The following PEPD variants were observed in gnomAD, a reference collection of about 807,000 sequenced individuals.
The protein encoded by PEPD is peptidase D.
PEPD carries 53 observed loss-of-function variants against 60.7 expected under a neutral mutation model. The ratio of observed to expected loss-of-function variants is 0.87; its 90% CI spans 0.70 to 1.10. PEPD has a LOEUF of 1.10. PEPD is among the 50% of genes least tolerant of loss of function. PEPD has a pLI of 0.00. For missense variants in PEPD, 711 were observed against 711.9 expected, an observed-to-expected ratio of 1.00 and a Z score of 0.01; for synonymous variants, 267 against 284.1, an observed-to-expected ratio of 0.94 and a Z score of 0.60.
In PEPD at chr19:33,422,967, T is replaced by C. The variant is rs369459652; in HGVS notation, c.672-9324A>G. Among the ~76,000 whole-genome samples the C allele has an allele frequency of 3.9e-5, 6 of 152,246 alleles. No homozygotes were observed. In the East Asian group the frequency reaches 1.2e-3, roughly 29 times the overall value. ...CACTCTATCTACTCATCCAATACTC[T>C]GTCAATTATCTGTTTCTATGTCTAC... is the stretch of plus-strand genomic sequence containing the variant. On this transcript the variant is annotated intron_variant, in intron 9 of 14. Coordinates refer to ENST00000244137, the MANE Select transcript of PEPD (RefSeq NM_000285.4).
At chr19:33,402,530 C>G (rs993808904) in intron 11 of PEPD, among the ~76,000 whole-genome samples, 1 of 152,224 alleles carries the variant, frequency 6.6e-6, no homozygotes, top group African/African-American at 2.4e-5. Flanking sequence ...GTGCCCGACA[C>G]TACCCCTCTG....
At chr19:33,414,784 G>A (rs1968853922) in intron 9 of PEPD, among the ~76,000 whole-genome samples, 1 of 152,244 alleles carries the variant, frequency 6.6e-6, no homozygotes, top group African/African-American at 2.4e-5. Flanking sequence ...AACGGCTGTG[G>A]TAGATTCAAT....
At chr19:33,428,810 T>C (rs979217871) in intron 9 of PEPD, among the ~76,000 whole-genome samples, 1 of 152,232 alleles carries the variant, frequency 6.6e-6, no homozygotes, top group Non-Finnish European at 1.5e-5. Context: ...CAGTAGGTCC[T>C]CAGTAAACAT....
Position 33,455,988 on chromosome 19 carries a change from G to A in PEPD, c.671+7007C>T, listed in dbSNP as rs187997591. Among the ~76,000 whole-genome samples, 5 of 152,210 alleles carry A rather than the reference G, an allele frequency of 3.3e-5. No homozygotes were observed. The East Asian group carries it at 7.7e-4, about 24-fold the overall frequency. On this transcript the variant is annotated intron_variant, in intron 9 of 14. Coordinates refer to ENST00000244137, the MANE Select transcript of PEPD (RefSeq NM_000285.4). ...GCCCCAAAATCTCTAGTCCTTCATC[G>A]ACCAGGTTACACATTTGCAGAAAGC...
In PEPD at chr19:33,388,030, G is replaced by A. The variant is rs756015867; in HGVS notation, c.1204C>T (p.His402Tyr). The A allele has an allele frequency of 4.5e-6, 7 of 1,563,764 alleles. No homozygotes were observed. In the African/African-American group the frequency reaches 8.1e-5, roughly 18 times the overall value. The change falls in exon 14 of 15, where the codon CAC becomes TAC. Residue 402 changes from histidine (H) to tyrosine (Y), a missense_variant. Transcript: ENST00000244137. The stretch of plus-strand genomic sequence containing the variant: ...GTGAGCACCATGCCTGGCTGCAGGT[G>A]CCGTGCAGTGCGCAGGCTCCGCAGG... ...PGLRSLRTAR[H>Y]LQPGMVLTVE...
intron 11 of PEPD, among the ~76,000 whole-genome samples, chr19:33,404,112 C>T (rs1418502709): frequency 6.6e-6 from 1 of 152,254 alleles, no homozygotes; most frequent in African/African-American, 2.4e-5. Context: ...GGCGGCAGTG[C>T]TCAACCTTCA....
intron 7 of PEPD, among the ~76,000 whole-genome samples, chr19:33,467,751 C>A (rs150794414): frequency 6.1e-4 from 93 of 152,286 alleles, no homozygotes; most frequent in African/African-American, 2.1e-3. Context: ...TCATGATAAC[C>A]TAGCTTTCCC....
Position 33,512,793 on chromosome 19 carries a change from A to G in PEPD, c.18-17T>C. 1 of 1,613,352 alleles carries G rather than the reference A, an allele frequency of 6.2e-7. No individual in the cohort carries two copies. The highest frequency in any genetic ancestry group is 8.5e-7 in the Non-Finnish European group (1 of 1,179,626). ...AACGAGGGTCTGCAGAGGCAAGAGC[A>G]CACACCGCCACACAGGCCTCTGTTA... On this transcript the variant is annotated splice_polypyrimidine_tract_variant and intron_variant, in intron 1 of 14. Transcript: ENST00000244137.
intron 9 of PEPD, 83 bp from the exon 10 acceptor site, chr19:33,413,726 G>C: frequency 1.2e-6 from 1 of 826,448 alleles, no homozygotes; most frequent in Non-Finnish European, 2.0e-6. Flanking sequence ...CCAAGGGAAG[G>C]CCCTCGGCCC....
chr19:33,441,713 T>C (rs923865741), intron 9 of PEPD, among the ~76,000 whole-genome samples: 2 of 152,154 alleles, frequency 1.3e-5, no homozygotes, highest in Admixed American at 1.3e-4. Context: ...GACCCAGAGG[T>C]GGCTGGGGGA....
At chr19:33,449,877 A>G (rs1008179320) in intron 9 of PEPD, among the ~76,000 whole-genome samples, 2 of 152,156 alleles carry the variant, frequency 1.3e-5, no homozygotes, top group South Asian at 2.1e-4. Flanking sequence ...ATCAATAATT[A>G]TATCACAGGT....
chr19:33,521,390 G>T (rs1190154975), intron 1 of PEPD, among the ~76,000 whole-genome samples: 1 of 152,230 alleles, frequency 6.6e-6, no homozygotes, highest in Non-Finnish European at 1.5e-5. Flanking sequence ...CCTCCTCCGG[G>T]AAGCGCCCGG....
At chr19:33,517,615 G>C (rs1383019287) in intron 1 of PEPD, among the ~76,000 whole-genome samples, 1 of 151,786 alleles carries the variant, frequency 6.6e-6, no homozygotes, top group East Asian at 1.9e-4. Flanking sequence ...TGGTACGTAG[G>C]TTTCACTGAT....
chr19:33,499,189 T>C (rs576124596), intron 4 of PEPD, among the ~76,000 whole-genome samples: 12 of 152,192 alleles, frequency 7.9e-5, no homozygotes, highest in Non-Finnish European at 1.8e-4. Context: ...AGGTCACATG[T>C]GTATTGACAG....
At chr19:33,493,216 G>A in intron 5 of PEPD, 74 bp downstream of exon 5, 5 of 1,049,418 alleles carry the variant, frequency 4.8e-6, no homozygotes, top group Non-Finnish European at 5.9e-6. Flanking sequence ...CCCGACCTCT[G>A]CAGGAGAGGT....
rs75766592 is a variant in PEPD at position 33,478,099 on chromosome 19, C to A, written c.504-9G>T. ...TATTGTTGACTTCGAACCTGTAGGG[C>A]GAAAAGAAATCAAGCCCATTAATCC... is the stretch of plus-strand genomic sequence containing the variant. On this transcript the variant is annotated splice_polypyrimidine_tract_variant and intron_variant, in intron 6 of 14. Coordinates refer to ENST00000244137, the MANE Select transcript of PEPD (RefSeq NM_000285.4). The A allele has an allele frequency of 6.2e-7, 1 of 1,603,346 alleles. No homozygotes were observed. Among genetic ancestry groups the A allele is most frequent in the East Asian group, 2.2e-5 (1 of 44,756 alleles).
Position 33,490,689 on chromosome 19 carries a change from T to C in PEPD, c.442-632A>G, listed in dbSNP as rs192981216. Among the ~76,000 whole-genome samples the C allele has an allele frequency of 8.4e-3, 1,276 of 152,160 alleles. 8 individuals are homozygous for C. The highest frequency in any genetic ancestry group is 0.013 in the Non-Finnish European group (863 of 67,992). ...TTTTACTTATTTTTTTTTGAGACAG[T>C]GTCTTGCTCTGTCACCCAGGCTGGA... On this transcript the variant is annotated intron_variant, in intron 5 of 14. Coordinates refer to ENST00000244137, the MANE Select transcript of PEPD (RefSeq NM_000285.4).
At chr19:33,465,807 A>G (rs1970009379) in intron 7 of PEPD, among the ~76,000 whole-genome samples, 1 of 152,036 alleles carries the variant, frequency 6.6e-6, no homozygotes. Context: ...TTTTTGTTGC[A>G]CTCCATGCAA....
At chr19:33,478,501 C>T (rs989031971) in intron 6 of PEPD, among the ~76,000 whole-genome samples, 1 of 152,080 alleles carries the variant, frequency 6.6e-6, no homozygotes, top group Admixed American at 6.6e-5. Context: ...AGGATAAATT[C>T]AAAGATATCC....
Sources: allele counts gnomAD v4.1 joint callset (sites outside exome capture counted in the v4.1 genomes callset), GRCh38; gene constraint gnomAD v4.1.1; transcripts MANE v1.5; gene names NCBI Gene and HGNC (gene_info 2026-07-23, HGNC 2026-07-21).